AKAP6: variants seen among roughly 807,000 people sequenced by gnomAD.
AKAP6 encodes the protein A-kinase anchor protein 6.
In AKAP6, 58 loss-of-function variants were observed where a neutral mutation model predicts 188.5. That is an observed-to-expected ratio of 0.31 (90% CI 0.25 to 0.38). The LOEUF (loss-of-function observed/expected upper bound fraction) is 0.38, where lower values mean the gene tolerates loss of function less well. Ranked by LOEUF, AKAP6 falls within the 10% of genes least tolerant of loss-of-function variation. The pLI, the probability that AKAP6 is intolerant of heterozygous loss-of-function variation, is 1.00. For synonymous variants in AKAP6, 989 were observed against 998.6 expected, an observed-to-expected ratio of 0.99 and a Z score of 0.18; for missense variants, 2,710 against 2,740.0, an observed-to-expected ratio of 0.99 and a Z score of 0.24.
chr14:32,448,653 A>G (rs1193494425), intron 2 of AKAP6, among the ~76,000 whole-genome samples: 3 of 152,248 alleles, frequency 2.0e-5, no homozygotes, highest in Non-Finnish European at 4.4e-5. Flanking sequence ...GATGAAAACT[A>G]TAAACTGTCT....
rs376778885 is a variant in AKAP6, at chr14:32,678,422, G to A, written c.2842G>A (p.Ala948Thr). The A allele has an allele frequency of 2.5e-6, 4 of 1,613,826 alleles. No individual in the cohort carries two copies. The African/African-American group carries it at 5.3e-5, about 22-fold the overall frequency. The change falls in exon 8 of 14, where the codon GCT becomes ACT. Residue 948 changes from alanine to threonine, a missense_variant. Ala to Thr is a moderately conservative substitution (Grantham distance 58). Around this residue, in one of 2 missense-constraint regions of AKAP6, gnomAD observed 2,473 missense variants for 2,426.1 expected, o/e 1.02. Transcript: ENST00000280979. ...TSSSKRKEEF[A>T]DMSKVHSVGS... ...CAGCAGCAAGCGAAAGGAAGAGTTT[G>A]CTGATATGTCAAAAGTTCATTCAGT...
At chr14:32,660,137 G>A (rs775835261) in intron 7 of AKAP6, among the ~76,000 whole-genome samples, 20 of 152,114 alleles carry the variant, frequency 1.3e-4, no homozygotes, top group Non-Finnish European at 2.5e-4. Context: ...GAGTGATGCA[G>A]GTTTAGATTT....
Position 32,599,514 on chromosome 14 carries a change from C to CT in AKAP6, c.2566+9dup. 1 of 1,610,108 alleles carries CT rather than the reference C, an allele frequency of 6.2e-7. No homozygotes were observed. The highest frequency in any genetic ancestry group is 8.5e-7 in the Non-Finnish European group (1 of 1,177,226). On this transcript the variant is annotated intron_variant, in intron 6 of 13. Transcript: ENST00000280979. ...TTGCATCTCACAAAGCAGGTAAATCCTCCTGAAATATTGCAAGTCTTTACG... is the reference window on the plus strand; with the variant it reads ...TTGCATCTCACAAAGCAGGTAAATCCTTCCTGAAATATTGCAAGTCTTTACG...
chr14:32,435,833 C>T (rs978551938), intron 2 of AKAP6, among the ~76,000 whole-genome samples: 1 of 152,100 alleles, frequency 6.6e-6, no homozygotes, highest in Admixed American at 6.5e-5. Flanking sequence ...CTGCATGTGG[C>T]CTCAAAAAAG....
chr14:32,525,861 AG>A (rs1882093926), intron 2 of AKAP6, among the ~76,000 whole-genome samples: 1 of 152,216 alleles, frequency 6.6e-6, no homozygotes, highest in African/African-American at 2.4e-5. Context: ...CAGTCTAGTT[AG>A]GGAGATGGAT....
At chr14:32,379,711 C>T (rs2138546407) in intron 1 of AKAP6, among the ~76,000 whole-genome samples, 1 of 152,240 alleles carries the variant, frequency 6.6e-6, no homozygotes, top group Non-Finnish European at 1.5e-5. Flanking sequence ...CTCTCAGAAC[C>T]TCAAACTCAA....
At chr14:32,642,993 A>G (rs1049008894) in intron 7 of AKAP6, among the ~76,000 whole-genome samples, 1 of 152,284 alleles carries the variant, frequency 6.6e-6, no homozygotes, top group South Asian at 2.1e-4. Context: ...CAATAAAAAA[A>G]GTTTTCATGA....
intron 2 of AKAP6, among the ~76,000 whole-genome samples, chr14:32,496,576 T>TAA (rs541271586): frequency 6.9e-6 from 1 of 145,818 alleles, no homozygotes; most frequent in Non-Finnish European, 1.5e-5. Context: ...GACTTGAGAT[T>TAA]AAAAAAAAAA....
intron 4 of AKAP6, among the ~76,000 whole-genome samples, chr14:32,567,525 A>G (rs1884255565): frequency 6.6e-6 from 1 of 152,184 alleles, no homozygotes; most frequent in African/African-American, 2.4e-5. Context: ...CTTCACATGG[A>G]ATTCCAATTT....
chr14:32,541,054 C>T (rs1310571609), intron 3 of AKAP6, among the ~76,000 whole-genome samples: 1 of 151,850 alleles, frequency 6.6e-6, no homozygotes, highest in Non-Finnish European at 1.5e-5. Flanking sequence ...TCCCCGATAA[C>T]CTATGGAAAT....
chr14:32,743,561 A>G (rs2031768634), intron 11 of AKAP6, among the ~76,000 whole-genome samples: 1 of 152,080 alleles, frequency 6.6e-6, no homozygotes, highest in African/African-American at 2.4e-5. Context: ...TGAGGTTACC[A>G]TGAGGCTTGG....
intron 7 of AKAP6, among the ~76,000 whole-genome samples, chr14:32,664,210 G>A (rs1016087609): frequency 6.6e-6 from 1 of 152,112 alleles, no homozygotes; most frequent in South Asian, 2.1e-4. Flanking sequence ...ATAGCAAAGA[G>A]GTAGTGAGAA....
At chr14:32,773,168 T>G (rs1261280446) in intron 11 of AKAP6, among the ~76,000 whole-genome samples, 1 of 152,216 alleles carries the variant, frequency 6.6e-6, no homozygotes, top group Non-Finnish European at 1.5e-5. Flanking sequence ...GCTTATCTTT[T>G]TTTTTCAGAT....
intron 13 of AKAP6, among the ~76,000 whole-genome samples, chr14:32,827,887 C>G (rs8004131): frequency 2.6e-5 from 4 of 152,156 alleles, no homozygotes; most frequent in African/African-American, 7.2e-5. Context: ...AAAAATTTAA[C>G]TCATCATATG....
intron 1 of AKAP6, among the ~76,000 whole-genome samples, chr14:32,409,554 G>T (rs1425947374): frequency 6.6e-6 from 1 of 152,288 alleles, no homozygotes; most frequent in East Asian, 1.9e-4. Flanking sequence ...CTCTTGAAGT[G>T]GTGATTCCTT....
chr14:32,776,727 T>C (rs1037500800), intron 12 of AKAP6, among the ~76,000 whole-genome samples: 5 of 152,238 alleles, frequency 3.3e-5, no homozygotes, highest in Admixed American at 2.0e-4. Context: ...CTGAGTGTTA[T>C]GTTTCTATAA....
At chr14:32,696,167 A>G in intron 9 of AKAP6, 57 bp downstream of exon 9, 1 of 1,550,986 alleles carries the variant, frequency 6.4e-7, no homozygotes, top group Non-Finnish European at 8.6e-7. Flanking sequence ...TAGCCTGACA[A>G]GTCTCTCTCT....
At chr14:32,703,138 G>C (rs1454696162) in intron 9 of AKAP6, among the ~76,000 whole-genome samples, 2 of 152,090 alleles carry the variant, frequency 1.3e-5, no homozygotes, top group Non-Finnish European at 2.9e-5. Flanking sequence ...AATAAAACTT[G>C]AATAGTAAGA....
chr14:32,436,834 G>A (rs1412702829), intron 2 of AKAP6, among the ~76,000 whole-genome samples: 1 of 152,142 alleles, frequency 6.6e-6, no homozygotes, highest in African/African-American at 2.4e-5. Flanking sequence ...TTCTCTGGAG[G>A]CTGAGATGAG....
Sources: gnomAD v4.1 joint callset for allele counts (sites outside exome capture counted in the v4.1 genomes callset) on GRCh38, gnomAD v4.1.1 for gene constraint, gnomAD v4.1.1 regional missense constraint, MANE v1.5 for transcripts, NCBI Gene and HGNC (gene_info 2026-07-23, HGNC 2026-07-21) for gene names.